Variants in TMEM132D observed in about 807,000 individuals in gnomAD.
TMEM132D encodes transmembrane protein 132D, also known as mature OL transmembrane protein.
A neutral mutation model predicts 62.3 loss-of-function variants in TMEM132D; 21 were observed. The observed-to-expected ratio is 0.34, with a 90% confidence interval of 0.24 to 0.49. The LOEUF is 0.49. Among genes scored for constraint, TMEM132D ranks in the 20% least tolerant of loss-of-function variants. The probability of loss-of-function intolerance (pLI) is 0.99; values close to 1 mark genes in which losing one functional copy is unlikely to be tolerated. For missense variants in TMEM132D, 1,346 were observed against 1,402.8 expected, an observed-to-expected ratio of 0.96 and a Z score of 0.65; for synonymous variants, 621 against 575.6, an observed-to-expected ratio of 1.08 and a Z score of -1.13.
intron 2 of TMEM132D, among the ~76,000 whole-genome samples, chr12:129,672,192 T>C (rs1389014334): frequency 6.6e-6 from 1 of 152,234 alleles, no homozygotes; most frequent in East Asian, 1.9e-4. Flanking sequence ...CAGCCAGGCC[T>C]CCCGTTTTCA....
At chr12:129,518,024 A>G (rs1396801372) in intron 3 of TMEM132D, among the ~76,000 whole-genome samples, 1 of 152,180 alleles carries the variant, frequency 6.6e-6, no homozygotes, top group South Asian at 2.1e-4. Flanking sequence ...ATGCCAACAC[A>G]AAAATGTATT....
intron 5 of TMEM132D, among the ~76,000 whole-genome samples, chr12:129,168,067 A>G (rs958536915): frequency 6.6e-6 from 1 of 152,232 alleles, no homozygotes; most frequent in African/African-American, 2.4e-5. Context: ...ATTCACTGAG[A>G]TAAAATGACA....
At chr12:129,493,552 G>T (rs898689451) in intron 3 of TMEM132D, among the ~76,000 whole-genome samples, 4 of 152,150 alleles carry the variant, frequency 2.6e-5, no homozygotes, top group Non-Finnish European at 5.9e-5. Flanking sequence ...ATAAACAAAT[G>T]CTGTAAATAA....
chr12:129,852,673 G>T (rs760891164), intron 1 of TMEM132D: 1 of 152,276 alleles, frequency 6.6e-6, no homozygotes, highest in African/African-American at 2.4e-5. Flanking sequence ...CAGATCAGGG[G>T]TGATCTCTGG....
chr12:129,780,350 C>G (rs200741271), intron 1 of TMEM132D, among the ~76,000 whole-genome samples: 1,751 of 128,908 alleles, frequency 0.014, 33 homozygotes, highest in Admixed American at 0.057. Context: ...GGGGGGGGGC[C>G]GGGGGGGCAC....
At chr12:129,533,831 A>G (rs1876299693) in intron 2 of TMEM132D, among the ~76,000 whole-genome samples, 1 of 152,248 alleles carries the variant, frequency 6.6e-6, no homozygotes. Flanking sequence ...TTCATAATAG[A>G]ACACACATTT....
intron 2 of TMEM132D, among the ~76,000 whole-genome samples, chr12:129,563,159 T>C (rs1877283237): frequency 6.6e-6 from 1 of 152,178 alleles, no homozygotes; most frequent in African/African-American, 2.4e-5. Flanking sequence ...CAAACATACA[T>C]CTGGAATGCT....
At chr12:129,536,177 G>C (rs546841454) in intron 2 of TMEM132D, among the ~76,000 whole-genome samples, 4 of 152,204 alleles carry the variant, frequency 2.6e-5, no homozygotes, top group African/African-American at 7.2e-5. Context: ...TAAAATCCTG[G>C]TAAAATCTGA....
chr12:129,602,370 T>C (rs572017918), intron 2 of TMEM132D, among the ~76,000 whole-genome samples: 2 of 152,314 alleles, frequency 1.3e-5, no homozygotes, highest in South Asian at 2.1e-4. Flanking sequence ...TGAATTTTAC[T>C]TCCTAAAGCA....
intron 2 of TMEM132D, among the ~76,000 whole-genome samples, chr12:129,663,867 G>A (rs1429373262): frequency 6.6e-6 from 1 of 152,094 alleles, no homozygotes; most frequent in African/African-American, 2.4e-5. Flanking sequence ...ATGTAATCAT[G>A]TGGCACATTT....
intron 2 of TMEM132D, among the ~76,000 whole-genome samples, chr12:129,647,601 G>A (rs945950817): frequency 6.6e-6 from 1 of 152,120 alleles, no homozygotes; most frequent in Non-Finnish European, 1.5e-5. Context: ...CTTTTTGTGC[G>A]ATATTACCTT....
chr12:129,617,292 T>C (rs1878944693), intron 2 of TMEM132D, among the ~76,000 whole-genome samples: 1 of 152,188 alleles, frequency 6.6e-6, no homozygotes, highest in South Asian at 2.1e-4. Context: ...ACAGAAACCC[T>C]AGCCACCTGA....
chr12:129,351,701 G>C (rs528054178), intron 3 of TMEM132D, among the ~76,000 whole-genome samples: 2 of 152,192 alleles, frequency 1.3e-5, no homozygotes, highest in Non-Finnish European at 2.9e-5. Flanking sequence ...AGTTTACTTG[G>C]AATGATTTTA....
At chr12:129,605,460 T>A (rs574795826) in intron 2 of TMEM132D, among the ~76,000 whole-genome samples, 3 of 151,812 alleles carry the variant, frequency 2.0e-5, no homozygotes, top group Non-Finnish European at 4.4e-5. Context: ...TCTCGTCTGA[T>A]CTTATATTCT....
chr12:129,470,934 GAA>G (rs1317204354), intron 3 of TMEM132D, among the ~76,000 whole-genome samples: 1 of 152,150 alleles, frequency 6.6e-6, no homozygotes, highest in African/African-American at 2.4e-5. Flanking sequence ...GAAAGAAGTA[GAA>G]GAGAGTAGAG....
intron 2 of TMEM132D, among the ~76,000 whole-genome samples, chr12:129,613,616 T>C (rs1593088996): frequency 1.3e-5 from 2 of 152,242 alleles, no homozygotes; most frequent in Admixed American, 6.5e-5. Context: ...ATGTGGCTAG[T>C]GGGTGTGCCA....
intron 5 of TMEM132D, among the ~76,000 whole-genome samples, chr12:129,134,046 T>A (rs1012684294): frequency 6.6e-6 from 1 of 151,924 alleles, no homozygotes; most frequent in Non-Finnish European, 1.5e-5. Flanking sequence ...TACCTGAAGC[T>A]CATAGGAACC....
intron 4 of TMEM132D, chr12:129,210,823 C>G (rs1280811765): frequency 1.3e-5 from 2 of 152,262 alleles, no homozygotes; most frequent in Non-Finnish European, 2.9e-5. Context: ...CAGCTCCTCA[C>G]ACTGTATGCA....
chr12:129,437,774 T>C (rs1272821036), intron 3 of TMEM132D, among the ~76,000 whole-genome samples: 1 of 151,878 alleles, frequency 6.6e-6, no homozygotes, highest in Non-Finnish European at 1.5e-5. Flanking sequence ...AGTTCTGGGA[T>C]ACATGTGCAG....
Sources: gnomAD v4.1 joint callset for allele counts (sites outside exome capture counted in the v4.1 genomes callset) on GRCh38, gnomAD v4.1.1 for gene constraint, MANE v1.5 for transcripts, NCBI Gene and HGNC (gene_info 2026-07-23, HGNC 2026-07-21) for gene names.